The following BCKDHB variants were observed in gnomAD, a reference collection of about 807,000 sequenced individuals.
BCKDHB encodes the protein 2-oxoisovalerate dehydrogenase subunit beta, mitochondrial.
In BCKDHB, 41 loss-of-function variants were observed where a neutral mutation model predicts 48.5. The observed-to-expected ratio is 0.85, with a 90% confidence interval of 0.66 to 1.10. BCKDHB has a LOEUF of 1.10. BCKDHB is among the 50% of genes least tolerant of loss of function. The pLI is 0.00. For missense variants in BCKDHB, 496 were observed against 494.2 expected, an observed-to-expected ratio of 1.00 and a Z score of -0.03; for synonymous variants, 201 against 174.8, an observed-to-expected ratio of 1.15 and a Z score of -1.18.
Position 80,171,356 on chromosome 6 carries a change from AT to A in BCKDHB, c.714del (p.Phe238LeufsTer16). On this transcript the variant is annotated frameshift_variant, in exon 6 of 10. Transcript: ENST00000320393. LOFTEE classifies it high-confidence loss of function. ...SCIEDKNPCI[F>X]FEPKILYRAA... Reference sequence around the variant, plus strand: ...GCATAGAGGATAAAAATCCTTGTATATTTTTTGAACCTAAAATACTTTACAG... The same window carrying A: ...GCATAGAGGATAAAAATCCTTGTATATTTTTGAACCTAAAATACTTTACAG... 1 of 1,606,850 alleles carries A rather than the reference AT, an allele frequency of 6.2e-7. No homozygotes were observed. The highest frequency in any genetic ancestry group is 8.5e-7 in the Non-Finnish European group (1 of 1,177,102).
At chr6:80,267,922 A>G (rs1319889894) in intron 8 of BCKDHB, among the ~76,000 whole-genome samples, 1 of 152,006 alleles carries the variant, frequency 6.6e-6, no homozygotes, top group Non-Finnish European at 1.5e-5. Flanking sequence ...AGCCCTGACA[A>G]TTTAGTTTTT....
intron 5 of BCKDHB, among the ~76,000 whole-genome samples, chr6:80,170,772 CTA>C: frequency 6.6e-6 from 1 of 152,280 alleles, no homozygotes; most frequent in East Asian, 1.9e-4. Context: ...TAACTGGACA[CTA>C]TGGTGCCTGG....
At chr6:80,442,108 CTTCAA>C in the BCKDHB span, among the ~76,000 whole-genome samples, 1 of 152,126 alleles carries the variant, frequency 6.6e-6, no homozygotes, top group African/African-American at 2.4e-5. Flanking sequence ...GTTAACTTAT[CTTCAA>C]TTCAGTCAAT....
At chr6:80,130,355 A>T (rs890545335) in intron 3 of BCKDHB, among the ~76,000 whole-genome samples, 1 of 151,712 alleles carries the variant, frequency 6.6e-6, no homozygotes, top group African/African-American at 2.4e-5. Flanking sequence ...GGTCTTTAAA[A>T]TTTTTTTTTA....
At chr6:80,188,308 T>C (rs1263002810) in intron 6 of BCKDHB, among the ~76,000 whole-genome samples, 1 of 152,034 alleles carries the variant, frequency 6.6e-6, no homozygotes, top group Non-Finnish European at 1.5e-5. Context: ...AAGGTAAACA[T>C]TGAGTACACA....
At chr6:80,422,507 A>G in the BCKDHB span, among the ~76,000 whole-genome samples, 1 of 152,196 alleles carries the variant, frequency 6.6e-6, no homozygotes, top group African/African-American at 2.4e-5. Context: ...AGGTAGATAC[A>G]TTGAAAGCTT....
intron 3 of BCKDHB, among the ~76,000 whole-genome samples, chr6:80,162,718 G>T (rs1157123881): frequency 2.0e-5 from 3 of 152,062 alleles, no homozygotes; most frequent in Non-Finnish European, 4.4e-5. Context: ...GGGCGTGGTC[G>T]TGGGCGCCTG....
At chr6:80,357,870 C>T in the BCKDHB span, among the ~76,000 whole-genome samples, 2 of 152,322 alleles carry the variant, frequency 1.3e-5, no homozygotes, top group African/African-American at 2.4e-5. Context: ...TGCCAACTTA[C>T]ATCTCCTGTG....
At position 80,311,875 on chromosome 6, in the gene BCKDHB, T is replaced by C. The variant is rs182694864; in HGVS notation, c.1039-31789T>C. On this transcript the variant is annotated intron_variant, in intron 9 of 9. Transcript: ENST00000320393. ...CGAGTAACATTGATGCCTCCAGCCT[T>C]GTTCTTTTTGTTTAGGATTGTCTTG... Among the ~76,000 whole-genome samples the C allele has an allele frequency of 1.6e-4, 24 of 152,322 alleles. No individual in the cohort carries two copies. In the East Asian group the frequency reaches 3.3e-3, roughly 21 times the overall value.
chr6:80,280,849 G>A (rs575105133), intron 9 of BCKDHB, among the ~76,000 whole-genome samples: 46 of 152,246 alleles, frequency 3.0e-4, no homozygotes, highest in Middle Eastern at 6.8e-3. Flanking sequence ...GATAGTAGGA[G>A]AGAGAATCTG....
At chr6:80,332,926 GAAA>G (rs34943803) in intron 9 of BCKDHB, among the ~76,000 whole-genome samples, 53 of 147,504 alleles carry the variant, frequency 3.6e-4, no homozygotes, top group Admixed American at 4.7e-4. Context: ...GCACTAAAAA[GAAA>G]AAAAAAAAAA....
chr6:80,403,638 G>A, the BCKDHB span, among the ~76,000 whole-genome samples: 5 of 151,768 alleles, frequency 3.3e-5, no homozygotes, highest in Non-Finnish European at 7.4e-5. Flanking sequence ...GGTGAGATTG[G>A]GCATCATTAT....
chr6:80,452,729 A>G, the BCKDHB span, among the ~76,000 whole-genome samples: 7 of 152,178 alleles, frequency 4.6e-5, no homozygotes, highest in African/African-American at 7.2e-5. Context: ...GTGGGCATGG[A>G]GCACACTGGA....
the BCKDHB span, among the ~76,000 whole-genome samples, chr6:80,370,155 T>A: frequency 2.0e-5 from 3 of 152,042 alleles, no homozygotes; most frequent in African/African-American, 7.2e-5. Flanking sequence ...GCAATAATAA[T>A]ATAGGCCTAT....
the BCKDHB span, among the ~76,000 whole-genome samples, chr6:80,376,910 T>C: frequency 6.6e-6 from 1 of 152,232 alleles, no homozygotes; most frequent in Non-Finnish European, 1.5e-5. Flanking sequence ...CTTTTCAATA[T>C]TGAGTTGTAG....
chr6:80,436,165 T>TC, the BCKDHB span, among the ~76,000 whole-genome samples: 1 of 126,332 alleles, frequency 7.9e-6, no homozygotes, highest in Non-Finnish European at 1.6e-5. Context: ...TTTTTTTTTT[T>TC]TTTTTTTTGG....
intron 9 of BCKDHB, among the ~76,000 whole-genome samples, chr6:80,304,381 C>G (rs1218006829): frequency 2.0e-5 from 3 of 152,064 alleles, no homozygotes; most frequent in Admixed American, 1.3e-4. Flanking sequence ...CCTAAAAATT[C>G]TGACTTTCCT....
At chr6:80,323,153 C>T (rs1399377828) in intron 9 of BCKDHB, among the ~76,000 whole-genome samples, 1 of 152,024 alleles carries the variant, frequency 6.6e-6, no homozygotes, top group Non-Finnish European at 1.5e-5. Context: ...TCTCATAGGG[C>T]TCATGACAAT....
At chr6:80,267,425 G>A (rs561383499) in intron 8 of BCKDHB, among the ~76,000 whole-genome samples, 3 of 152,200 alleles carry the variant, frequency 2.0e-5, no homozygotes, top group South Asian at 2.1e-4. Flanking sequence ...AAGGTACCAT[G>A]GGGTTTAATA....
Sources: gnomAD v4.1 joint callset for allele counts (sites outside exome capture counted in the v4.1 genomes callset) on GRCh38, gnomAD v4.1.1 for gene constraint, MANE v1.5 for transcripts, NCBI Gene and HGNC (gene_info 2026-07-23, HGNC 2026-07-21) for gene names.